GALM: variants seen among roughly 807,000 people sequenced by gnomAD.
The protein encoded by GALM is galactose mutarotase.
In GALM, 43 loss-of-function variants were observed where a neutral mutation model predicts 37.4. The ratio of observed to expected loss-of-function variants is 1.15; its 90% confidence interval spans 0.90 to 1.48. The LOEUF is 1.48. GALM is among the 40% of genes most tolerant of loss of function. The pLI, the probability that GALM is intolerant of heterozygous loss-of-function variation, is 0.00. For synonymous variants in GALM, 199 were observed against 170.6 expected (o/e 1.17, Z -1.30); for missense variants, 456 against 419.1 (o/e 1.09, Z -0.77).
chr2:38,695,586 A>C (rs1248038639), intron 4 of GALM, among the ~76,000 whole-genome samples: 1 of 152,184 alleles, frequency 6.6e-6, no homozygotes, highest in East Asian at 1.9e-4. Context: ...TTTGCATATG[A>C]ATGACTTTTA....
At chr2:38,686,543 C>T (rs1055902154) in intron 3 of GALM, among the ~76,000 whole-genome samples, 1 of 151,990 alleles carries the variant, frequency 6.6e-6, no homozygotes, top group Non-Finnish European at 1.5e-5. Context: ...GGATTACAAG[C>T]ATGAGCCACC....
At position 38,674,217 on chromosome 2, in the gene GALM, GTC is replaced by G. The variant is rs1177092153; in HGVS notation, c.191-1692_191-1691del. On this transcript the variant is annotated intron_variant, in intron 1 of 6. Coordinates refer to ENST00000272252, the MANE Select transcript of GALM (RefSeq NM_138801.3). ...TTTTTTTTTTTTTTTTTTTGAGACA[GTC>G]TCGCTCTGTCGCCAGGCTGGAGTGC... Among the ~76,000 whole-genome samples, 15 of 142,746 alleles carry G rather than the reference GTC, an allele frequency of 1.1e-4. No individual in the cohort carries two copies. In the East Asian group the frequency reaches 2.5e-3, roughly 23 times the overall value. The allele number at this position is 142,746 out of a possible 152,430, so 93.6% of individuals were successfully genotyped here.
At chr2:38,675,802 C>T in intron 1 of GALM, 110 bp from the exon 2 acceptor site, 1 of 975,006 alleles carries the variant, frequency 1.0e-6, no homozygotes, top group Non-Finnish European at 1.6e-6. Context: ...ATCTCCTGAC[C>T]TTGTGATCCG....
intron 1 of GALM, among the ~76,000 whole-genome samples, chr2:38,675,518 GTTTTTTTGTTTTTTTTTTTT>G (rs1214772855): frequency 9.5e-6 from 1 of 104,976 alleles, no homozygotes; most frequent in African/African-American, 4.5e-5. Flanking sequence ...TGGATTGAGG[GTTTTTTTGTTTTTTTTTTTT>G]TTTTTTGTGT....
At position 38,733,576 on chromosome 2, in the gene GALM, A is replaced by G. The variant is rs1666649723; in HGVS notation, c.*11A>G. ...TTTTCTGTGGCTTAAGGAAGTGTGA[A>G]GATATGATCCAGTCCAGGGCTAGGC... On this transcript the variant is annotated 3_prime_UTR_variant, in exon 7 of 7. Transcript: ENST00000272252. The G allele has an allele frequency of 6.2e-7, 1 of 1,605,610 alleles. No homozygotes were observed. The highest frequency in any genetic ancestry group is 8.5e-7 in the Non-Finnish European group (1 of 1,172,312).
At chr2:38,679,329 A>G (rs1293146953) in intron 2 of GALM, among the ~76,000 whole-genome samples, 2 of 151,574 alleles carry the variant, frequency 1.3e-5, no homozygotes, top group Non-Finnish European at 2.9e-5. Context: ...CTTCTAAACA[A>G]TGGACAGGTA....
At chr2:38,700,878 C>T in intron 4 of GALM, among the ~76,000 whole-genome samples, 1 of 151,884 alleles carries the variant, frequency 6.6e-6, no homozygotes, top group Non-Finnish European at 1.5e-5. Context: ...TCTCTTTCTC[C>T]TTTGTGTATG....
At chr2:38,711,784 A>G (rs1485890534) in intron 4 of GALM, among the ~76,000 whole-genome samples, 1 of 151,476 alleles carries the variant, frequency 6.6e-6, no homozygotes, top group Admixed American at 6.6e-5. Flanking sequence ...CATCACTGTC[A>G]CCACCATCAC....
intron 1 of GALM, chr2:38,669,470 G>A (rs1262347116): frequency 1.3e-5 from 2 of 152,268 alleles, no homozygotes; most frequent in Admixed American, 1.3e-4. Flanking sequence ...CGGCTTTTGA[G>A]ACGCAAGTCT....
intron 4 of GALM, among the ~76,000 whole-genome samples, chr2:38,698,981 T>A (rs1665864334): frequency 6.6e-6 from 1 of 152,164 alleles, no homozygotes; most frequent in Non-Finnish European, 1.5e-5. Flanking sequence ...TGGCACATCC[T>A]CGGCTCACTG....
chr2:38,691,112 G>A (rs1572522156), intron 4 of GALM, among the ~76,000 whole-genome samples: 1 of 152,240 alleles, frequency 6.6e-6, no homozygotes, highest in Middle Eastern at 3.4e-3. Context: ...TGAACTGCAA[G>A]GAAAAAATAG....
chr2:38,689,644 A>C (rs886791978), intron 3 of GALM, among the ~76,000 whole-genome samples, 169 bp from the exon 4 acceptor site: 10 of 152,204 alleles, frequency 6.6e-5, no homozygotes, highest in African/African-American at 2.4e-4. Flanking sequence ...TGCTATTTTG[A>C]GGCCTTATCT....
At position 38,718,196 on chromosome 2, in the gene GALM, C is replaced by CTTT. The variant is rs3059479; in HGVS notation, c.635-11347_635-11345dup. Among the ~76,000 whole-genome samples the CTTT allele has an allele frequency of 5.7e-3, 750 of 131,172 alleles. 6 individuals are homozygous for CTTT. Among genetic ancestry groups the CTTT allele is most frequent in the East Asian group, 0.012 (52 of 4,276 alleles). 86.1% of individuals were successfully genotyped at this position (131,172 alleles called of 152,430 possible). A position where few individuals can be genotyped will look rare whatever the true frequency, so the allele number is the denominator to read the frequency against. On this transcript the variant is annotated intron_variant, in intron 4 of 6. Coordinates refer to ENST00000272252, the MANE Select transcript of GALM (RefSeq NM_138801.3). ...GTACAAGTATTTCTTTTTTTCTTTT[C>CTTT]TTTTTTTTTTTTTTTCTTTTTGAGA...
chr2:38,697,792 G>C (rs1416937905), intron 4 of GALM, among the ~76,000 whole-genome samples: 1 of 152,104 alleles, frequency 6.6e-6, no homozygotes, highest in African/African-American at 2.4e-5. Context: ...TGCAGTTACA[G>C]GGAGCCAGAG....
intron 4 of GALM, among the ~76,000 whole-genome samples, chr2:38,722,030 TC>T (rs1491365976): frequency 2.8e-3 from 116 of 41,392 alleles, no homozygotes; most frequent in African/African-American, 9.7e-3. Context: ...TGCCTTCCCT[TC>T]CCCCCCCCAC....
At chr2:38,695,646 C>A (rs997077230) in intron 4 of GALM, among the ~76,000 whole-genome samples, 1 of 152,266 alleles carries the variant, frequency 6.6e-6, no homozygotes, top group East Asian at 1.9e-4. Context: ...TGCTTTCCAC[C>A]CCAAATCCTT....
At chr2:38,689,985 T>C (rs1365476950) in intron 4 of GALM, 91 bp downstream of exon 4, 1 of 715,358 alleles carries the variant, frequency 1.4e-6, no homozygotes, top group East Asian at 2.7e-5. Context: ...CGGTGAAATC[T>C]TAATAAAGTC....
At chr2:38,708,874 A>C (rs1666096807) in intron 4 of GALM, among the ~76,000 whole-genome samples, 2 of 152,096 alleles carry the variant, frequency 1.3e-5, no homozygotes, top group African/African-American at 4.8e-5. Flanking sequence ...ATTTAGGACA[A>C]GTAAAATGGT....
intron 4 of GALM, among the ~76,000 whole-genome samples, chr2:38,697,615 A>G (rs934237187): frequency 2.0e-5 from 3 of 152,204 alleles, no homozygotes; most frequent in Non-Finnish European, 2.9e-5. Flanking sequence ...AGAATGTAGC[A>G]ACTTTTATTT....
Sources: allele counts gnomAD v4.1 joint callset (sites outside exome capture counted in the v4.1 genomes callset), GRCh38; gene constraint gnomAD v4.1.1; transcripts MANE v1.5; gene names NCBI Gene and HGNC (gene_info 2026-07-23, HGNC 2026-07-21).